Variants in FRAS1 observed in about 807,000 individuals in gnomAD.
FRAS1 encodes the protein extracellular matrix organizing protein FRAS1.
A neutral mutation model predicts 435.2 loss-of-function variants in FRAS1; 290 were observed. That is an observed-to-expected ratio of 0.67 (90% CI 0.61 to 0.73). FRAS1 has a LOEUF of 0.73. Among genes scored for constraint, FRAS1 ranks in the 30% least tolerant of loss-of-function variants. The pLI, the probability that FRAS1 is intolerant of heterozygous loss-of-function variation, is 0.00. For missense variants in FRAS1, 4,860 were observed against 5,001.5 expected (o/e 0.97, Z 0.85); for synonymous variants, 1,800 against 1,851.0 (o/e 0.97, Z 0.71).
At chr4:78,284,161 T>C (rs1727462750) in intron 12 of FRAS1, among the ~76,000 whole-genome samples, 1 of 150,546 alleles carries the variant, frequency 6.6e-6, no homozygotes, top group South Asian at 2.1e-4. Flanking sequence ...ATCTTCATGC[T>C]GGGGCTATGG....
Position 78,200,334 on chromosome 4 carries a change from T to C in FRAS1, c.109-37176T>C, listed in dbSNP as rs74586657. ...GTTCCCTGTAAGCTTCTGGGATATA[T>C]GAGCCTGTGCCTTAAATTTTAACAC... On this transcript the variant is annotated intron_variant, in intron 2 of 73. Transcript: ENST00000512123. 6.8e-3 allele frequency among the ~76,000 whole-genome samples: 1,037 copies of C among 152,338 alleles called. 7 individuals are homozygous for C. The highest frequency in any genetic ancestry group is 9.3e-3 in the Non-Finnish European group (634 of 68,026).
intron 45 of FRAS1, among the ~76,000 whole-genome samples, chr4:78,451,568 G>A (rs1014951535): frequency 1.3e-4 from 20 of 152,182 alleles, no homozygotes; most frequent in African/African-American, 4.8e-4. Flanking sequence ...GTTATGAGAA[G>A]GTCTTTGGTT....
chr4:78,252,370 T>C, intron 4 of FRAS1, 22 bp from the exon 5 acceptor site: 1 of 1,601,606 alleles, frequency 6.2e-7, no homozygotes, highest in Non-Finnish European at 8.5e-7. Flanking sequence ...CCTTTTTTTT[T>C]TTCTGTCTCC....
intron 61 of FRAS1, among the ~76,000 whole-genome samples, chr4:78,500,477 T>C (rs1720641832): frequency 6.6e-6 from 1 of 152,288 alleles, no homozygotes; most frequent in Non-Finnish European, 1.5e-5. Flanking sequence ...CGGAGGACAT[T>C]TAAGTATTAA....
chr4:78,455,581 A>G (rs1578335335), intron 47 of FRAS1, among the ~76,000 whole-genome samples: 1 of 152,162 alleles, frequency 6.6e-6, no homozygotes, highest in South Asian at 2.1e-4. Context: ...TGGGAAATAG[A>G]CTTATTTTCA....
At chr4:78,319,158 C>T (rs1275421372) in intron 18 of FRAS1, among the ~76,000 whole-genome samples, 172 bp downstream of exon 18, 2 of 152,220 alleles carry the variant, frequency 1.3e-5, no homozygotes, top group Admixed American at 6.5e-5. Context: ...CCAATAGCCT[C>T]CCTCCCTTTG....
At chr4:78,304,626 C>T (rs1032302352) in intron 14 of FRAS1, among the ~76,000 whole-genome samples, 6 of 151,924 alleles carry the variant, frequency 3.9e-5, no homozygotes, top group African/African-American at 1.5e-4. Context: ...TTACCCATTT[C>T]TTCTAGATTT....
Position 78,496,869 on chromosome 4 carries a change from T to C in FRAS1, c.9023T>C (p.Val3008Ala). ...TTTGAGCCAGAGGAACAGTTCAGGGTCTACCTCGGCCTTCCTCTTGGAAAC... is the reference window on the plus strand; with the variant it reads ...TTTGAGCCAGAGGAACAGTTCAGGGCCTACCTCGGCCTTCCTCTTGGAAAC... ...SMFEPEEQFR[V>A]YLGLPLGNHW... Residue 3008 changes from valine to alanine, a missense_variant, in exon 60 of 74, where the codon GTC becomes GCC. By Grantham distance (64) the Val-to-Ala change is moderately conservative. Coordinates refer to ENST00000512123, the MANE Select transcript of FRAS1 (RefSeq NM_025074.7). The C allele has an allele frequency of 6.2e-7, 1 of 1,613,820 alleles. No individual in the cohort carries two copies. Among genetic ancestry groups the C allele is most frequent in the Admixed American group, 1.7e-5 (1 of 60,000 alleles).
chr4:78,069,333 A>T (rs927134939), intron 2 of FRAS1, among the ~76,000 whole-genome samples: 1 of 152,204 alleles, frequency 6.6e-6, no homozygotes, highest in Non-Finnish European at 1.5e-5. Flanking sequence ...TTCATAAAGC[A>T]TATCAAGCAA....
At position 78,473,548 on chromosome 4, in the gene FRAS1, G is replaced by A. The variant is rs4388111; in HGVS notation, c.7633G>A (p.Asp2545Asn). 6,315 of 1,611,958 alleles carry A rather than the reference G, an allele frequency of 3.9e-3. 225 individuals carry two copies. The African/African-American group carries it at 0.071, about 18-fold the overall frequency. Reference sequence around the variant, plus strand: ...AGACAGTAAACCCAATGTGGTCAGCGACAATGTCTTCCATATCCAGTGGTC... The same window carrying A: ...AGACAGTAAACCCAATGTGGTCAGCAACAATGTCTTCCATATCCAGTGGTC... ...VKDSKPNVVS[D>N]NVFHIQWSLI... is the part of the protein sequence containing the mutation. The change falls in exon 53 of 74, where the codon GAC becomes AAC. Residue 2545 changes from aspartate (D) to asparagine (N), a missense_variant. Physicochemically the swap from Asp to Asn is conservative, Grantham distance 23. Transcript: ENST00000512123.
intron 6 of FRAS1, among the ~76,000 whole-genome samples, chr4:78,264,703 G>A (rs73827921): frequency 0.014 from 2,140 of 152,228 alleles, 58 homozygotes; most frequent in African/African-American, 0.049. Flanking sequence ...AAGGATAAGA[G>A]CATCTACTCA....
At position 78,438,721 on chromosome 4, in the gene FRAS1, A is replaced by T. The variant is rs1423812945; in HGVS notation, c.5366+3A>T. On this transcript the variant is annotated splice_donor_region_variant and intron_variant, in intron 39 of 73. Coordinates refer to ENST00000512123, the MANE Select transcript of FRAS1 (RefSeq NM_025074.7). Reference sequence around the variant, plus strand: ...GACATCAATAACAAGAAAATCAGGTACATAATCACTTTGTATTATTTGACA... The same window carrying T: ...GACATCAATAACAAGAAAATCAGGTTCATAATCACTTTGTATTATTTGACA... 1 of 1,585,054 alleles carries T rather than the reference A, an allele frequency of 6.3e-7. No homozygotes were observed.
chr4:78,268,560 A>G (rs1726491391), intron 9 of FRAS1, among the ~76,000 whole-genome samples: 2 of 152,182 alleles, frequency 1.3e-5, no homozygotes, highest in Admixed American at 1.3e-4. Flanking sequence ...GTCTGCCCAG[A>G]GGATCTCATT....
In FRAS1 at chr4:78,412,983, CA is replaced by C; in HGVS notation, c.4325del (p.Asn1442MetfsTer33). ...TTTCTTTTCAGGTGTCCAGTGCCTC[CA>C]ATGCCCAGACCCGCCTGGAGAGCCA... The part of the protein sequence containing the change: ...SFRFEVSSAS[N>X]AQTRLESHMF... On this transcript the variant is annotated frameshift_variant, in exon 32 of 74. Transcript: ENST00000512123. LOFTEE classifies it high-confidence loss of function. The C allele has an allele frequency of 6.2e-7, 1 of 1,604,528 alleles. No individual in the cohort carries two copies. The highest frequency in any genetic ancestry group is 8.5e-7 in the Non-Finnish European group (1 of 1,175,848).
chr4:78,540,850 T>C lies in FRAS1; in HGVS notation c.11765T>C (p.Val3922Ala), dbSNP rs1324306379. 3 of 1,613,908 alleles carry C rather than the reference T, an allele frequency of 1.9e-6. No homozygotes were observed. The Admixed American group carries it at 5.0e-5, about 27-fold the overall frequency. ...ATGCTTCTACTTCTGGTGTTTTTGG[T>C]GGCTTGTTTTATCAACAGGAAATGC... Reference protein sequence around the residue: ...AIMLLLLVFLVACFINRKCQK... With the variant: ...AIMLLLLVFLAACFINRKCQK... The change falls in exon 74 of 74, where the codon GTG (valine) becomes GCG (alanine). Residue 3922 changes from valine to alanine, a missense_variant. Physicochemically the swap from Val to Ala is moderately conservative, Grantham distance 64. Transcript: ENST00000512123.
chr4:78,483,677 A>AC (rs1166466394), intron 58 of FRAS1, among the ~76,000 whole-genome samples: 1 of 149,480 alleles, frequency 6.7e-6, no homozygotes, highest in Non-Finnish European at 1.5e-5. Flanking sequence ...TCTTCTTTCT[A>AC]CCCCTATCTC....
chr4:78,156,434 A>T (rs528087711), intron 2 of FRAS1, among the ~76,000 whole-genome samples: 1 of 151,682 alleles, frequency 6.6e-6, no homozygotes, highest in South Asian at 2.1e-4. Flanking sequence ...CAGGGCTAGT[A>T]TGAAACAATC....
chr4:78,221,543 A>G (rs1045379405), intron 2 of FRAS1, among the ~76,000 whole-genome samples: 4 of 152,212 alleles, frequency 2.6e-5, no homozygotes, highest in Admixed American at 6.5e-5. Flanking sequence ...ACCAGTTGGT[A>G]TGCCTTAGAA....
At chr4:78,278,802 G>A in intron 10 of FRAS1, 58 bp downstream of exon 10, 1 of 994,356 alleles carries the variant, frequency 1.0e-6, no homozygotes, top group Non-Finnish European at 1.6e-6. Context: ...TTAATCTAAT[G>A]AGGGAACATT....
Sources: allele counts gnomAD v4.1 joint callset (sites outside exome capture counted in the v4.1 genomes callset), GRCh38; gene constraint gnomAD v4.1.1; transcripts MANE v1.5; gene names NCBI Gene and HGNC (gene_info 2026-07-23, HGNC 2026-07-21).